SCHIP1: variants seen among roughly 807,000 people sequenced by gnomAD.
SCHIP1 encodes the protein schwannomin-interacting protein 1.
SCHIP1 carries 8 observed loss-of-function variants against 29.7 expected under a neutral mutation model. The observed-to-expected ratio is 0.27, with a 90% CI of 0.16 to 0.49. SCHIP1 has a LOEUF of 0.49. SCHIP1 is among the 20% of genes least tolerant of loss of function. SCHIP1 has a pLI of 0.99. For synonymous variants in SCHIP1, 76 were observed against 94.9 expected (o/e 0.80, Z 1.16); for missense variants, 193 against 294.6 (o/e 0.66, Z 2.52).
chr3:159,785,181 C>T, the SCHIP1 span, among the ~76,000 whole-genome samples: 3 of 152,054 alleles, frequency 2.0e-5, no homozygotes, highest in Admixed American at 6.6e-5. Flanking sequence ...CACTTTTCTC[C>T]GTTAGTAAAT....
chr3:159,324,511 G>T, the SCHIP1 span, among the ~76,000 whole-genome samples: 8 of 151,862 alleles, frequency 5.3e-5, no homozygotes, highest in South Asian at 1.7e-3. Flanking sequence ...TTTCTTCTTT[G>T]TGAAATATTT....
the SCHIP1 span, among the ~76,000 whole-genome samples, chr3:159,493,503 G>T: frequency 6.6e-6 from 1 of 152,052 alleles, no homozygotes; most frequent in East Asian, 1.9e-4. Context: ...AAGAGACAAA[G>T]AAGGCCATTA....
chr3:159,329,230 A>G, the SCHIP1 span, among the ~76,000 whole-genome samples: 7 of 152,010 alleles, frequency 4.6e-5, no homozygotes, highest in African/African-American at 1.7e-4. Context: ...ACACATATGC[A>G]CACACACACA....
chr3:159,582,787 T>TATAC, the SCHIP1 span, among the ~76,000 whole-genome samples: 230 of 144,234 alleles, frequency 1.6e-3, 2 homozygotes, highest in East Asian at 4.0e-3. Context: ...AATATATATA[T>TATAC]ACACACACAC....
chr3:159,407,189 A>C, the SCHIP1 span, among the ~76,000 whole-genome samples: 1 of 152,180 alleles, frequency 6.6e-6, no homozygotes, highest in Non-Finnish European at 1.5e-5. Flanking sequence ...AAAAATAATG[A>C]AAAAATATGT....
At chr3:159,746,689 C>T in the SCHIP1 span, among the ~76,000 whole-genome samples, 1 of 152,216 alleles carries the variant, frequency 6.6e-6, no homozygotes, top group Non-Finnish European at 1.5e-5. Context: ...GCTTTTCCTA[C>T]CATTTCCAGC....
chr3:159,680,577 A>C, the SCHIP1 span, among the ~76,000 whole-genome samples: 29 of 111,068 alleles, frequency 2.6e-4, no homozygotes, highest in African/African-American at 1.0e-3. Flanking sequence ...TGTATAATAT[A>C]TCTATATATA....
chr3:159,886,965 A>T (rs888026070), intron 3 of SCHIP1: 1 of 153,660 alleles, frequency 6.5e-6, no homozygotes, highest in African/African-American at 2.4e-5. Flanking sequence ...CTATCACAAG[A>T]ACAGTACAGG....
chr3:159,709,776 C>G, the SCHIP1 span, among the ~76,000 whole-genome samples: 1 of 152,184 alleles, frequency 6.6e-6, no homozygotes, highest in East Asian at 1.9e-4. Flanking sequence ...GAACAGATGT[C>G]TATTAGAAAT....
At chr3:159,687,960 A>C in the SCHIP1 span, among the ~76,000 whole-genome samples, 2 of 152,208 alleles carry the variant, frequency 1.3e-5, no homozygotes, top group Non-Finnish European at 1.5e-5. Context: ...ATAGTATTCC[A>C]TGGTGTATAT....
the SCHIP1 span, among the ~76,000 whole-genome samples, chr3:159,684,743 G>A: frequency 6.6e-6 from 1 of 150,636 alleles, no homozygotes; most frequent in Non-Finnish European, 1.5e-5. Context: ...GGCGGAGGTT[G>A]CAGTGAGCCG....
At chr3:159,436,816 T>G in the SCHIP1 span, among the ~76,000 whole-genome samples, 1 of 152,050 alleles carries the variant, frequency 6.6e-6, no homozygotes, top group Admixed American at 6.6e-5. Context: ...GCCCTGGATG[T>G]CAGTTTGCCT....
the SCHIP1 span, among the ~76,000 whole-genome samples, chr3:159,504,867 C>T: frequency 1.3e-5 from 2 of 152,130 alleles, no homozygotes; most frequent in South Asian, 2.1e-4. Context: ...ATTTCCATAC[C>T]GTGTTAGGCA....
chr3:159,306,717 T>C, the SCHIP1 span: 1 of 211,552 alleles, frequency 4.7e-6, no homozygotes, highest in African/African-American at 2.4e-5. Context: ...AAATATGTAA[T>C]GTTCTACCTT....
chr3:159,307,893 G>A, the SCHIP1 span, among the ~76,000 whole-genome samples: 1 of 151,930 alleles, frequency 6.6e-6, no homozygotes, highest in Non-Finnish European at 1.5e-5. Context: ...AGGTGTATAG[G>A]TTTGTTTCTG....
At chr3:159,362,214 T>G in the SCHIP1 span, among the ~76,000 whole-genome samples, 154 of 151,604 alleles carry the variant, frequency 1.0e-3, 2 homozygotes, top group South Asian at 0.024. Context: ...GTGAAGGAGG[T>G]GTTATGAAGG....
chr3:159,796,922 A>G, the SCHIP1 span, among the ~76,000 whole-genome samples: 3 of 152,322 alleles, frequency 2.0e-5, no homozygotes, highest in Non-Finnish European at 4.4e-5. Flanking sequence ...TGGTTAGAAC[A>G]AGGACTTAAC....
chr3:159,724,773 T>G, the SCHIP1 span, among the ~76,000 whole-genome samples: 1 of 152,212 alleles, frequency 6.6e-6, no homozygotes, highest in South Asian at 2.1e-4. Flanking sequence ...TTCAATAAAA[T>G]TTAAAGAAGA....
At chr3:159,576,615 G>A in the SCHIP1 span, among the ~76,000 whole-genome samples, 16 of 152,028 alleles carry the variant, frequency 1.1e-4, no homozygotes, top group Admixed American at 7.9e-4. Context: ...TTCCATTAGC[G>A]ACTTTGTTAC....
Sources: allele counts gnomAD v4.1 joint callset (sites outside exome capture counted in the v4.1 genomes callset), GRCh38; gene constraint gnomAD v4.1.1; transcripts MANE v1.5; gene names NCBI Gene and HGNC (gene_info 2026-07-23, HGNC 2026-07-21).